MAP7D1: variants seen among roughly 807,000 people sequenced by gnomAD.
MAP7D1 encodes MAP7 domain containing 1, also known as MAP7 domain-containing protein 1.
MAP7D1 carries 30 observed loss-of-function variants against 97.5 expected under a neutral mutation model. That is an observed-to-expected ratio of 0.31 (90% CI 0.23 to 0.42). MAP7D1 has a LOEUF of 0.42. MAP7D1 is among the 10% of genes least tolerant of loss of function. The pLI, the probability that MAP7D1 is intolerant of heterozygous loss-of-function variation, is 1.00. For synonymous variants in MAP7D1, 536 were observed against 477.1 expected (o/e 1.12, Z -1.61); for missense variants, 1,184 against 1,179.5 (o/e 1.00, Z -0.06).
rs756865169 is a variant in MAP7D1 at position 36,173,459 on chromosome 1, C to T, written c.720C>T (p.Ser240=). The T allele has an allele frequency of 4.3e-6, 7 of 1,612,790 alleles. No individual in the cohort carries two copies. Residue 240 remains serine (S), a synonymous_variant, in exon 5 of 17, where the codon AGC becomes AGT. Transcript: ENST00000474796. The part of the protein sequence containing the change: ...RWSWAGALHH[S]SPGHKTSGSR... Reference sequence around the variant, plus strand: ...CCTGGGCAGGGGCCCTGCACCACAGCTCTCCAGGACATAAGACCAGTGAGT... The same window carrying T: ...CCTGGGCAGGGGCCCTGCACCACAGTTCTCCAGGACATAAGACCAGTGAGT...
chr1:36,180,268 C>T lies in MAP7D1; in HGVS notation c.*10C>T. 6.2e-7 allele frequency: 1 copy of T among 1,614,190 alleles called. No homozygotes were observed. Among genetic ancestry groups the T allele is most frequent in the South Asian group, 1.1e-5 (1 of 91,088 alleles). On this transcript the variant is annotated 3_prime_UTR_variant, in exon 17 of 17. Coordinates refer to ENST00000474796, the MANE Select transcript of MAP7D1 (RefSeq NM_001388490.1). ...CCCAGAAGTCCTTTAAGAGGGTTTGCCTTGGATCCGGGCACAGTTGTGAGG... is the reference window on the plus strand; with the variant it reads ...CCCAGAAGTCCTTTAAGAGGGTTTGTCTTGGATCCGGGCACAGTTGTGAGG...
intron 1 of MAP7D1, among the ~76,000 whole-genome samples, chr1:36,166,114 G>A (rs913394297): frequency 6.6e-6 from 1 of 152,124 alleles, no homozygotes; most frequent in Non-Finnish European, 1.5e-5. Flanking sequence ...GGGAGGGAAC[G>A]AGGCACGCAG....
intron 1 of MAP7D1, among the ~76,000 whole-genome samples, chr1:36,168,963 C>G (rs554016875): frequency 2.6e-5 from 4 of 152,004 alleles, no homozygotes; most frequent in Non-Finnish European, 5.9e-5. Flanking sequence ...AAACTAATAA[C>G]ATATAAGGCC....
chr1:36,179,596 A>ATCC (rs747376151), intron 14 of MAP7D1, 39 bp downstream of exon 14: 4 of 1,553,656 alleles, frequency 2.6e-6, no homozygotes, highest in Non-Finnish European at 3.5e-6. Context: ...TCCCTTTGCC[A>ATCC]TCCTCCTCCT....
chr1:36,160,086 G>A (rs565834348), intron 1 of MAP7D1, among the ~76,000 whole-genome samples: 43 of 152,356 alleles, frequency 2.8e-4, no homozygotes, highest in African/African-American at 9.9e-4. Context: ...GGGCCATCAG[G>A]TCAGGTCTCA....
Position 36,176,862 on chromosome 1 carries a change from G to A in MAP7D1, c.1379+20G>A, listed in dbSNP as rs761579115. 3.2e-6 allele frequency: 5 copies of A among 1,567,698 alleles called. 1 individual carries two copies. In the Admixed American group the frequency reaches 9.3e-5, roughly 29 times the overall value. On this transcript the variant is annotated intron_variant, in intron 8 of 16. Coordinates refer to ENST00000474796, the MANE Select transcript of MAP7D1 (RefSeq NM_001388490.1). The surrounding 1 kb of genome is among the most constrained non-coding windows in gnomAD (Gnocchi z 6.1). ...GCTCAGGTGGGCGCGGGCGGTGCGA[G>A]GGACCCTGCCCCTCACCGGGTCATT... is the stretch of plus-strand genomic sequence containing the variant.
rs1412692618 is a variant in MAP7D1, at chr1:36,176,060, C to T, written c.851-139C>T. On this transcript the variant is annotated intron_variant, in intron 6 of 16. Transcript: ENST00000474796. The surrounding 1 kb of genome is among the most constrained non-coding windows in gnomAD (Gnocchi z 6.1). Reference sequence around the variant, plus strand: ...ATCATAGGGAGGACAAGTGTGGCCCCGGTGTGATTGTGGGGAGAGGACTCC... The same window carrying T: ...ATCATAGGGAGGACAAGTGTGGCCCTGGTGTGATTGTGGGGAGAGGACTCC... The T allele has an allele frequency of 4.6e-6, 4 of 866,178 alleles. No homozygotes were observed. The Admixed American group carries it at 8.4e-5, about 18-fold the overall frequency. The allele number at this position is 866,178 out of a possible 1,614,324, so 53.7% of individuals were successfully genotyped here.
Position 36,172,415 on chromosome 1 carries a change from GCCTT to G in MAP7D1, c.461-47_461-44del, listed in dbSNP as rs375638486. On this transcript the variant is annotated intron_variant, in intron 3 of 16. Coordinates refer to ENST00000474796, the MANE Select transcript of MAP7D1 (RefSeq NM_001388490.1). ...CTTGGAGGAAATGTCCTTGGCCCAG[GCCTT>G]CTGCAGAACCCTTCACACACGCCAC... The G allele has an allele frequency of 1.7e-4, 237 of 1,403,402 alleles. No homozygotes were observed. In the East Asian group the frequency reaches 3.9e-3, roughly 23 times the overall value. The allele number at this position is 1,403,402 out of a possible 1,614,324, so 86.9% of individuals were successfully genotyped here.
intron 1 of MAP7D1, among the ~76,000 whole-genome samples, chr1:36,165,687 G>A (rs942763895): frequency 6.7e-6 from 1 of 149,696 alleles, no homozygotes; most frequent in African/African-American, 2.5e-5. Flanking sequence ...AAAGTGTTGG[G>A]ATTACAGGCA....
At position 36,176,534 on chromosome 1, in the gene MAP7D1, G is replaced by A. The variant is rs1261821227; in HGVS notation, c.1186G>A (p.Ala396Thr). Residue 396 changes from alanine (A) to threonine (T), a missense_variant, in exon 7 of 17, where the codon GCC becomes ACC. Coordinates refer to ENST00000474796, the MANE Select transcript of MAP7D1 (RefSeq NM_001388490.1). The surrounding 1 kb of genome is among the most constrained non-coding windows in gnomAD (Gnocchi z 6.1). Reference sequence around the variant, plus strand: ...GCGCGGGGAGCGCCGCAAGCCCAACGCCGGGGGCAGCCCCGCTCCGGTGCG... The same window carrying A: ...GCGCGGGGAGCGCCGCAAGCCCAACACCGGGGGCAGCCCCGCTCCGGTGCG... Reference protein sequence around the residue: ...GERGERRKPNAGGSPAPVRRR... With the variant: ...GERGERRKPNTGGSPAPVRRR... 7.1e-6 allele frequency: 10 copies of A among 1,399,094 alleles called. No individual in the cohort carries two copies. Among genetic ancestry groups the A allele is most frequent in the African/African-American group, 1.5e-5 (1 of 65,528 alleles). 86.7% of individuals were successfully genotyped at this position (1,399,094 alleles called of 1,614,324 possible).
chr1:36,156,767 C>T (rs1220523029), intron 1 of MAP7D1, among the ~76,000 whole-genome samples: 1 of 152,070 alleles, frequency 6.6e-6, no homozygotes, highest in East Asian at 1.9e-4. Flanking sequence ...TTCCCCGCCC[C>T]CACGTCCCTT....
At position 36,178,496 on chromosome 1, in the gene MAP7D1, C is replaced by G; in HGVS notation, c.1786C>G (p.Arg596Gly). Residue 596 changes from arginine to glycine, a missense_variant, in exon 10 of 17, where the codon CGA becomes GGA. Coordinates refer to ENST00000474796, the MANE Select transcript of MAP7D1 (RefSeq NM_001388490.1). The part of the protein sequence containing the change: ...PSKPMAGTTD[R>G]EEATRLLAEK... ...CAAACCAATGGCCGGCACCACAGAC[C>G]GAGAAGAAGCCACTCGGCTCTTGGC... 2 of 1,610,368 alleles carry G rather than the reference C, an allele frequency of 1.2e-6. No individual in the cohort carries two copies. Among genetic ancestry groups the G allele is most frequent in the Non-Finnish European group, 1.7e-6 (2 of 1,178,924 alleles).
In MAP7D1 at chr1:36,178,596, A is replaced by G. The variant is rs534039235; in HGVS notation, c.1886A>G (p.Lys629Arg). ...QERRLQAERDKRMREEQLARE... is the reference protein window; with the variant it reads ...QERRLQAERDRRMREEQLARE... ...CGGAGGCTGCAGGCAGAAAGGGACA[A>G]GTGAGTGCGCCTCGGGGACTGAGGG... The change falls in exon 10 of 17, where the codon AAG becomes AGG. Residue 629 changes from lysine to arginine, a missense_variant and splice_region_variant. Transcript: ENST00000474796. 5.7e-6 allele frequency: 9 copies of G among 1,577,022 alleles called. No individual in the cohort carries two copies. The South Asian group carries it at 1.0e-4, about 18-fold the overall frequency.
In MAP7D1 at chr1:36,172,600, G is replaced by A. The variant is rs1462541761; in HGVS notation, c.597G>A (p.Arg199=). Residue 199 remains arginine, a synonymous_variant, in exon 4 of 17, where the codon CGG becomes CGA. Transcript: ENST00000474796. ...AEQRRAALEE[R]QRQKLEKNKE... is the part of the protein sequence containing the mutation. The stretch of plus-strand genomic sequence containing the variant: ...AACGCCGTGCAGCCCTGGAGGAACG[G>A]CAGCGGCAGAAGCTCGAGAAAAACA... 2 of 1,573,720 alleles carry A rather than the reference G, an allele frequency of 1.3e-6. No homozygotes were observed. Among genetic ancestry groups the A allele is most frequent in the Non-Finnish European group, 1.7e-6 (2 of 1,149,522 alleles).
At chr1:36,168,130 A>G (rs1644495625) in intron 1 of MAP7D1, among the ~76,000 whole-genome samples, 2 of 152,106 alleles carry the variant, frequency 1.3e-5, no homozygotes, top group African/African-American at 4.8e-5. Context: ...CCCCGTCTCT[A>G]CTAAAAATAC....
rs756706150 is a variant in MAP7D1 at position 36,178,062 on chromosome 1, C to T, written c.1569C>T (p.Pro523=). The T allele has an allele frequency of 6.2e-7, 1 of 1,611,524 alleles. No individual in the cohort carries two copies. Among genetic ancestry groups the T allele is most frequent in the South Asian group, 1.1e-5 (1 of 90,848 alleles). Residue 523 remains proline (P), a synonymous_variant, in exon 9 of 17, where the codon CCC becomes CCT. Transcript: ENST00000474796. ...EAKESPSAAG[P]EDKSQSKRRA... is the part of the protein sequence containing the mutation. ...AGGAGAGCCCCAGCGCCGCAGGGCC[C>T]GAGGACAAGAGCCAGAGCAAGCGCA...
Position 36,176,665 on chromosome 1 carries a change from A to G in MAP7D1, c.1234-32A>G. ...GGGTACGCGGGCGCTGCTGACCTCT[A>G]CTCTCCTCTTCCGTTCCTCCTTCCC... On this transcript the variant is annotated intron_variant, in intron 7 of 16. Coordinates refer to ENST00000474796, the MANE Select transcript of MAP7D1 (RefSeq NM_001388490.1). This position sits in a 1 kb window ranked among gnomAD's most constrained non-coding sequence, Gnocchi z 6.1. The G allele has an allele frequency of 1.2e-6, 2 of 1,604,342 alleles. No individual in the cohort carries two copies. Among genetic ancestry groups the G allele is most frequent in the Non-Finnish European group, 1.7e-6 (2 of 1,176,034 alleles).
At chr1:36,168,108 A>G (rs547591839) in intron 1 of MAP7D1, among the ~76,000 whole-genome samples, 1 of 152,212 alleles carries the variant, frequency 6.6e-6, no homozygotes, top group South Asian at 2.1e-4. Context: ...CAGCCTGGCC[A>G]ACATGGTGAA....
At chr1:36,168,561 T>C (rs1644501530) in intron 1 of MAP7D1, among the ~76,000 whole-genome samples, 1 of 152,112 alleles carries the variant, frequency 6.6e-6, no homozygotes. Flanking sequence ...GGCAGCCGTC[T>C]CCTGCTGGTA....
Sources: gnomAD v4.1 joint callset for allele counts (sites outside exome capture counted in the v4.1 genomes callset) on GRCh38, gnomAD v4.1.1 for gene constraint, Gnocchi (gnomAD v3.1) non-coding constraint, MANE v1.5 for transcripts, NCBI Gene and HGNC (gene_info 2026-07-23, HGNC 2026-07-21) for gene names.